Variants in HRG observed in about 807,000 individuals in gnomAD.
HRG encodes the protein histidine-rich glycoprotein.
A neutral mutation model predicts 29.5 loss-of-function variants in HRG; 26 were observed. That is an observed-to-expected ratio of 0.88 (90% CI 0.65 to 1.22). The LOEUF (loss-of-function observed/expected upper bound fraction) is 1.22. HRG is among the 50% of genes most tolerant of loss of function. The probability of loss-of-function intolerance (pLI) is 0.00; values close to 1 mark genes in which losing one functional copy is unlikely to be tolerated. For missense variants in HRG, 671 were observed against 654.5 expected, an observed-to-expected ratio of 1.03 and a Z score of -0.28; for synonymous variants, 243 against 240.4, an observed-to-expected ratio of 1.01 and a Z score of -0.10.
At chr3:186,674,991 A>G in intron 5 of HRG, 98 bp from the exon 6 acceptor site, 5 of 814,442 alleles carry the variant, frequency 6.1e-6, no homozygotes, top group Non-Finnish European at 1.1e-5. Flanking sequence ...ATTTTTCTAA[A>G]GCACTTCTTC....
chr3:186,675,906 A>T (rs146976190), intron 6 of HRG, among the ~76,000 whole-genome samples: 764 of 82,552 alleles, frequency 9.3e-3, no homozygotes, highest in Middle Eastern at 0.031. Context: ...TTTTGCTCTT[A>T]TTGCCCAGGC....
At chr3:186,672,948 G>C in intron 5 of HRG, 81 bp downstream of exon 5, 2 of 905,486 alleles carry the variant, frequency 2.2e-6, no homozygotes, top group Admixed American at 3.5e-5. Flanking sequence ...AGAAGGAGAA[G>C]GAGAGGAAGG....
chr3:186,671,920 A>C, intron 4 of HRG, 131 bp downstream of exon 4: 1 of 806,244 alleles, frequency 1.2e-6, no homozygotes, highest in Non-Finnish European at 2.1e-6. Context: ...TTTTGAGGCC[A>C]TAAAAGACAG....
chr3:186,674,742 G>T, intron 5 of HRG: 1 of 360,160 alleles, frequency 2.8e-6, no homozygotes, highest in Non-Finnish European at 5.4e-6. Context: ...ATTCCTCATT[G>T]TCCTAGGCAC....
At position 186,675,134 on chromosome 3, in the gene HRG, T is replaced by C. The variant is rs1271616728; in HGVS notation, c.685T>C (p.Leu229=). The C allele has an allele frequency of 1.2e-6, 2 of 1,613,984 alleles. No homozygotes were observed. The highest frequency in any genetic ancestry group is 1.7e-6 in the Non-Finnish European group (2 of 1,179,862). Residue 229 remains leucine, a synonymous_variant, in exon 6 of 7, where the codon TTG becomes CTG. Coordinates refer to ENST00000232003, the MANE Select transcript of HRG (RefSeq NM_000412.5). ...RADLFYDVEA[L]DLESPKNLVI... ...AGATTTGTTCTATGATGTAGAAGCC[T>C]TGGACTTGGAAAGCCCGAAAAACCT...
intron 2 of HRG, 140 bp from the exon 3 acceptor site, chr3:186,669,798 G>T (rs1718729082): frequency 1.4e-6 from 1 of 705,756 alleles, no homozygotes; most frequent in Admixed American, 2.0e-5. Context: ...TGCAGGGTTT[G>T]AGACAAGCTT....
In HRG at chr3:186,675,119, T is replaced by C. The variant is rs1243791987; in HGVS notation, c.670T>C (p.Tyr224His). The change falls in exon 6 of 7, where the codon TAT becomes CAT. Residue 224 changes from tyrosine to histidine, a missense_variant. By Grantham distance (83) the Tyr-to-His change is moderately conservative. Transcript: ENST00000232003. ...TGGATTCTGCAGAGCAGATTTGTTC[T>C]ATGATGTAGAAGCCTTGGACTTGGA... ...VFGFCRADLF[Y>H]DVEALDLESP... 3 of 1,613,782 alleles carry C rather than the reference T, an allele frequency of 1.9e-6. No homozygotes were observed.
chr3:186,677,069 T>G lies in HRG; in HGVS notation c.764T>G (p.Val255Gly), dbSNP rs1379281365. Residue 255 changes from valine to glycine, a missense_variant, in exon 7 of 7, where the codon GTA (valine) becomes GGA (glycine). Coordinates refer to ENST00000232003, the MANE Select transcript of HRG (RefSeq NM_000412.5). ...CAGGAACATGAGAACATCAATGGTG[T>G]ACCGCCTCATTTGGGACATCCCTTC... is the stretch of plus-strand genomic sequence containing the variant. ...DPQEHENING[V>G]PPHLGHPFHW... 2.5e-6 allele frequency: 4 copies of G among 1,613,958 alleles called. No individual in the cohort carries two copies. The Admixed American group carries it at 5.0e-5, about 20-fold the overall frequency.
chr3:186,676,018 C>T lies in HRG; in HGVS notation c.741+828C>T, dbSNP rs142229429. On this transcript the variant is annotated intron_variant, in intron 6 of 6. Coordinates refer to ENST00000232003, the MANE Select transcript of HRG (RefSeq NM_000412.5). The stretch of plus-strand genomic sequence containing the variant: ...CTGAGTAGCTAGGATTACAGGCATG[C>T]GCCACCATACCTGGCTAATTTTGCA... 1.5e-3 allele frequency among the ~76,000 whole-genome samples: 223 copies of T among 151,910 alleles called. 2 individuals are homozygous for T. In the Middle Eastern group the frequency reaches 0.02, roughly 14 times the overall value.
At chr3:186,670,120 C>A in intron 3 of HRG, 92 bp downstream of exon 3, 1 of 770,626 alleles carries the variant, frequency 1.3e-6, no homozygotes, top group Admixed American at 1.7e-5. Flanking sequence ...CATATGTATT[C>A]ATATATATTC....
intron 1 of HRG, chr3:186,666,950 A>G (rs1302334449): frequency 6.6e-6 from 1 of 152,198 alleles, no homozygotes; most frequent in Non-Finnish European, 1.5e-5. Context: ...ATACAAATTT[A>G]TTTAATCCAA....
chr3:186,677,631 C>T lies in HRG; in HGVS notation c.1326C>T (p.Gly442=), dbSNP rs1719047400. Residue 442 remains glycine, a synonymous_variant, in exon 7 of 7, where the codon GGC becomes GGT. Coordinates refer to ENST00000232003, the MANE Select transcript of HRG (RefSeq NM_000412.5). ...CACCTGGGCACTTAAGAAGGCGAGG[C>T]CCAGGTAAAGGACCCCGTCCCTTCC... ...GPPPGHLRRR[G]PGKGPRPFHC... The T allele has an allele frequency of 1.2e-6, 2 of 1,614,018 alleles. No individual in the cohort carries two copies. The highest frequency in any genetic ancestry group is 1.1e-5 in the South Asian group (1 of 91,086).
chr3:186,676,549 T>C (rs146112406), intron 6 of HRG, among the ~76,000 whole-genome samples: 23 of 150,620 alleles, frequency 1.5e-4, no homozygotes, highest in African/African-American at 5.6e-4. Flanking sequence ...CTGAGATGGG[T>C]GGATTACTTG....
At chr3:186,676,093 T>G (rs1475005155) in intron 6 of HRG, among the ~76,000 whole-genome samples, 1 of 151,960 alleles carries the variant, frequency 6.6e-6, no homozygotes, top group African/African-American at 2.4e-5. Flanking sequence ...GGTCTCAAAC[T>G]CCTGACCTTA....
chr3:186,672,788 G>A lies in HRG; in HGVS notation c.560G>A (p.Arg187Lys). 1.9e-6 allele frequency: 3 copies of A among 1,603,762 alleles called. No homozygotes were observed. Among genetic ancestry groups the A allele is most frequent in the East Asian group, 2.2e-5 (1 of 44,832 alleles). The change falls in exon 5 of 7, where the codon AGA becomes AAA. Residue 187 changes from arginine (R) to lysine (K), a missense_variant and splice_region_variant. Arg to Lys is a conservative substitution (Grantham distance 26). Transcript: ENST00000232003. Reference sequence around the variant, plus strand: ...CTATTTTGATCCCATCTGTTCTAGAGAGGAGGGGAAGGAACTGGTTACTTC... The same window carrying A: ...CTATTTTGATCCCATCTGTTCTAGAAAGGAGGGGAAGGAACTGGTTACTTC... ...VDRIERVARV[R>K]GGEGTGYFVD...
intron 5 of HRG, chr3:186,674,657 C>T (rs1188005611): frequency 6.4e-6 from 2 of 314,578 alleles, no homozygotes; most frequent in East Asian, 1.6e-4. Flanking sequence ...CATCTTTATG[C>T]TATACAGATG....
At chr3:186,676,823 A>C (rs1267722398) in intron 6 of HRG, among the ~76,000 whole-genome samples, 1 of 152,124 alleles carries the variant, frequency 6.6e-6, no homozygotes, top group Non-Finnish European at 1.5e-5. Flanking sequence ...AGAAAAAAAA[A>C]ATAGTTTCTT....
At chr3:186,672,993 G>A in intron 5 of HRG, 126 bp downstream of exon 5, 1 of 737,022 alleles carries the variant, frequency 1.4e-6, no homozygotes, top group East Asian at 2.6e-5. Context: ...AGGAGAAAAT[G>A]AGGAGGAGGA....
At chr3:186,666,432 A>G (rs1359811010) in intron 1 of HRG, among the ~76,000 whole-genome samples, 2 of 152,214 alleles carry the variant, frequency 1.3e-5, no homozygotes, top group African/African-American at 4.8e-5. Flanking sequence ...ACATATAAGC[A>G]TTTATGCTGA....
Sources: allele counts gnomAD v4.1 joint callset (sites outside exome capture counted in the v4.1 genomes callset), GRCh38; gene constraint gnomAD v4.1.1; transcripts MANE v1.5; gene names NCBI Gene and HGNC (gene_info 2026-07-23, HGNC 2026-07-21).